TBC1D22A: variants seen among roughly 807,000 people sequenced by gnomAD.
TBC1D22A encodes putative GTPase activator.
In TBC1D22A, 38 loss-of-function variants were observed where a neutral mutation model predicts 60.2. The observed-to-expected ratio is 0.63, with a 90% confidence interval of 0.49 to 0.83. The LOEUF is 0.83. Ranked by LOEUF, TBC1D22A falls within the 40% of genes least tolerant of loss-of-function variation. The pLI is 0.00. For missense variants in TBC1D22A, 628 were observed against 701.0 expected (o/e 0.90, Z 1.18); for synonymous variants, 302 against 281.7 (o/e 1.07, Z -0.72).
chr22:47,128,617 A>G (rs1224591182), intron 12 of TBC1D22A, among the ~76,000 whole-genome samples: 1 of 151,978 alleles, frequency 6.6e-6, no homozygotes, highest in African/African-American at 2.4e-5. Context: ...TTTTCGTTCC[A>G]TGACTCTGCT....
intron 11 of TBC1D22A, among the ~76,000 whole-genome samples, chr22:47,080,700 GT>G (rs1235685348): frequency 6.6e-6 from 1 of 151,608 alleles, no homozygotes; most frequent in African/African-American, 2.4e-5. Flanking sequence ...TCAGAAGCCA[GT>G]AAAAGAAGAG....
At chr22:46,984,659 C>A (rs549523893) in intron 9 of TBC1D22A, among the ~76,000 whole-genome samples, 29 of 152,240 alleles carry the variant, frequency 1.9e-4, no homozygotes, top group Admixed American at 1.3e-3. Flanking sequence ...ATTTCCTTTC[C>A]TTGGGGAAGA....
chr22:46,805,337 G>A (rs190662917), intron 4 of TBC1D22A, among the ~76,000 whole-genome samples: 8 of 152,332 alleles, frequency 5.3e-5, no homozygotes, highest in African/African-American at 1.4e-4. Flanking sequence ...GGGGCCTTCC[G>A]TGAAGATGTG....
chr22:47,037,325 C>T (rs1323016359), intron 11 of TBC1D22A, 127 bp downstream of exon 11: 13 of 1,351,430 alleles, frequency 9.6e-6, no homozygotes, highest in South Asian at 2.7e-5. Flanking sequence ...CATTGAAATG[C>T]GGTCTTTAAA....
At chr22:47,135,997 T>G (rs1020337805) in intron 12 of TBC1D22A, among the ~76,000 whole-genome samples, 1 of 152,164 alleles carries the variant, frequency 6.6e-6, no homozygotes, top group Non-Finnish European at 1.5e-5. Flanking sequence ...GAGGAGGCAG[T>G]GCTAGTTGCT....
chr22:46,915,053 T>A, intron 8 of TBC1D22A: 1 of 251,986 alleles, frequency 4.0e-6, no homozygotes, highest in Non-Finnish European at 8.0e-6. Context: ...CAAGGTGCAG[T>A]GACAAGTAGT....
chr22:47,060,564 G>A (rs1157375239), intron 11 of TBC1D22A, among the ~76,000 whole-genome samples: 1 of 152,134 alleles, frequency 6.6e-6, no homozygotes, highest in Non-Finnish European at 1.5e-5. Flanking sequence ...CCGAGTAGCT[G>A]GGATTACAGA....
chr22:46,970,183 A>G (rs1290101299), intron 8 of TBC1D22A, among the ~76,000 whole-genome samples: 1 of 151,886 alleles, frequency 6.6e-6, no homozygotes, highest in Non-Finnish European at 1.5e-5. Context: ...CTAAGCCCAG[A>G]TCTCCCAAGG....
intron 7 of TBC1D22A, among the ~76,000 whole-genome samples, chr22:46,904,134 T>TCTGCCTACCTACCTACCTACCTACCTAC (rs1422224513): frequency 4.5e-5 from 3 of 66,510 alleles, no homozygotes; most frequent in African/African-American, 2.2e-4. Flanking sequence ...TATCTATCTA[T>TCTGCCTACCTACCTACCTACCTACCTAC]CTATCTATCT....
chr22:47,060,238 C>CTTTTTTTTTT (rs3884803), intron 11 of TBC1D22A, among the ~76,000 whole-genome samples: 77 of 111,648 alleles, frequency 6.9e-4, no homozygotes, highest in African/African-American at 2.6e-3. Flanking sequence ...GGGTTTCTGA[C>CTTTTTTTTTT]TTTTTTTTTT....
intron 9 of TBC1D22A, among the ~76,000 whole-genome samples, chr22:46,976,267 C>T (rs899581783): frequency 3.3e-5 from 5 of 152,104 alleles, no homozygotes; most frequent in East Asian, 1.9e-4. Flanking sequence ...TTGGCAGGGC[C>T]GATGAGTGTG....
chr22:47,045,888 C>T (rs944779137), intron 11 of TBC1D22A, among the ~76,000 whole-genome samples: 8 of 152,110 alleles, frequency 5.3e-5, no homozygotes, highest in Non-Finnish European at 1.0e-4. Flanking sequence ...AGCCTTGTCT[C>T]CACGTCCTCC....
At chr22:47,138,603 T>C (rs1189664612) in intron 12 of TBC1D22A, among the ~76,000 whole-genome samples, 1 of 152,230 alleles carries the variant, frequency 6.6e-6, no homozygotes, top group Non-Finnish European at 1.5e-5. Context: ...AGAGCCCCCT[T>C]GGTGGGTCTT....
Position 47,033,418 on chromosome 22 carries a change from T to TC in TBC1D22A, c.1202-3651dup, listed in dbSNP as rs1384139683. ...GGCCAGGCTGGGAATGTGTCCATCT[T>TC]CCGGTTACCTGTTTGCTCTCTGTAC... On this transcript the variant is annotated intron_variant, in intron 10 of 12. Coordinates refer to ENST00000337137, the MANE Select transcript of TBC1D22A (RefSeq NM_014346.5). Among the ~76,000 whole-genome samples the TC allele has an allele frequency of 2.0e-5, 3 of 152,332 alleles. No homozygotes were observed. The East Asian group carries it at 5.8e-4, about 29-fold the overall frequency.
At chr22:46,908,988 A>T (rs2069695245) in intron 7 of TBC1D22A, among the ~76,000 whole-genome samples, 1 of 151,862 alleles carries the variant, frequency 6.6e-6, no homozygotes, top group African/African-American at 2.4e-5. Flanking sequence ...GCCTGCGCAG[A>T]TCTCTCCCCT....
In TBC1D22A at chr22:46,768,453, G is replaced by A. The variant is rs1260680245; in HGVS notation, c.62+5605G>A. Among the ~76,000 whole-genome samples, 3 of 132,358 alleles carry A rather than the reference G, an allele frequency of 2.3e-5. No homozygotes were observed. In the East Asian group the frequency reaches 6.9e-4, roughly 30 times the overall value. 86.8% of individuals were successfully genotyped at this position (132,358 alleles called of 152,430 possible). A position where few individuals can be genotyped will look rare whatever the true frequency, so the allele number is the denominator to read the frequency against. On this transcript the variant is annotated intron_variant, in intron 1 of 12. Coordinates refer to ENST00000337137, the MANE Select transcript of TBC1D22A (RefSeq NM_014346.5). ...TGAGCCAAGGTCGCGCCACCGCCCC[G>A]CAGCCTGGGCAACAGAGCGAGACTC...
intron 4 of TBC1D22A, among the ~76,000 whole-genome samples, chr22:46,868,305 A>G (rs575395413): frequency 6.6e-6 from 1 of 152,366 alleles, no homozygotes; most frequent in African/African-American, 2.4e-5. Context: ...TGGGTGGTTC[A>G]GTATACACAC....
At chr22:47,090,780 GTCT>G (rs2064893908) in intron 11 of TBC1D22A, among the ~76,000 whole-genome samples, 16 of 144,454 alleles carry the variant, frequency 1.1e-4, no homozygotes, top group African/African-American at 3.6e-4. Flanking sequence ...ACGAGAAATC[GTCT>G]TTGGTGGGGA....
chr22:46,886,064 C>A (rs536232289), intron 5 of TBC1D22A, among the ~76,000 whole-genome samples: 4 of 152,132 alleles, frequency 2.6e-5, no homozygotes, highest in East Asian at 3.9e-4. Context: ...CCTGCCACCA[C>A]GCCTGGCTAA....
Sources: allele counts gnomAD v4.1 joint callset (sites outside exome capture counted in the v4.1 genomes callset), GRCh38; gene constraint gnomAD v4.1.1; transcripts MANE v1.5; gene names NCBI Gene and HGNC (gene_info 2026-07-23, HGNC 2026-07-21).